PHYHIPL: variants seen among roughly 807,000 people sequenced by gnomAD.
The protein encoded by PHYHIPL is phytanoyl-CoA 2-hydroxylase interacting protein like, also known as phytanoyl-CoA hydroxylase-interacting protein-like.
PHYHIPL carries 9 observed loss-of-function variants against 33.4 expected under a neutral mutation model. The ratio of observed to expected loss-of-function variants is 0.27; its 90% CI spans 0.16 to 0.47. The LOEUF is 0.47. Ranked by LOEUF, PHYHIPL falls within the 20% of genes least tolerant of loss-of-function variation. The pLI is 0.99. For missense variants in PHYHIPL, 365 were observed against 460.7 expected, an observed-to-expected ratio of 0.79 and a Z score of 1.90; for synonymous variants, 153 against 154.1, an observed-to-expected ratio of 0.99 and a Z score of 0.05.
intron 1 of PHYHIPL, among the ~76,000 whole-genome samples, chr10:59,192,466 G>C (rs571153095): frequency 3.3e-5 from 5 of 152,040 alleles, no homozygotes; most frequent in African/African-American, 1.2e-4. Context: ...GGTGATCCAG[G>C]GTCCAGACTT....
Position 59,247,516 on chromosome 10 carries a change from C to T in PHYHIPL, c.*1925C>T. The T allele has an allele frequency of 6.7e-7, 1 of 1,483,816 alleles. No homozygotes were observed. Among genetic ancestry groups the T allele is most frequent in the Non-Finnish European group, 9.3e-7 (1 of 1,076,944 alleles). The allele number at this position is 1,483,816 out of a possible 1,614,324, so 91.9% of individuals were successfully genotyped here. A position where few individuals can be genotyped will look rare whatever the true frequency, so the allele number is the denominator to read the frequency against. ...AGCTAATACTACCACTAAAGTGCTTCCATTTTCATTGTGTCAAAACTACTT... is the reference window on the plus strand; with the variant it reads ...AGCTAATACTACCACTAAAGTGCTTTCATTTTCATTGTGTCAAAACTACTT... On this transcript the variant is annotated 3_prime_UTR_variant, in exon 5 of 5. Transcript: ENST00000373880.
intron 1 of PHYHIPL, among the ~76,000 whole-genome samples, chr10:59,180,876 G>C (rs1838397900): frequency 6.6e-6 from 1 of 152,104 alleles, no homozygotes; most frequent in Non-Finnish European, 1.5e-5. Flanking sequence ...ATCCGTAATG[G>C]CATTTTCTGA....
At chr10:59,174,465 C>T (rs1436545201), upstream of PHYHIPL, among the ~76,000 whole-genome samples, 1 of 152,092 alleles carries the variant, frequency 6.6e-6, no homozygotes, top group East Asian at 1.9e-4. Context: ...CTTGACAATG[C>T]CTCGATTTGA....
chr10:59,188,763 A>G (rs1204104841), intron 1 of PHYHIPL, among the ~76,000 whole-genome samples: 2 of 151,982 alleles, frequency 1.3e-5, no homozygotes, highest in African/African-American at 2.4e-5. Context: ...TTTAAAGTCT[A>G]TTTTATCCGA....
upstream of PHYHIPL, among the ~76,000 whole-genome samples, chr10:59,176,064 T>C (rs1838242804): frequency 6.6e-6 from 1 of 152,078 alleles, no homozygotes; most frequent in Non-Finnish European, 1.5e-5. Flanking sequence ...TCTAAACCCC[T>C]CCACGCCTCA....
At chr10:59,204,559 A>T (rs1839232710) in intron 1 of PHYHIPL, among the ~76,000 whole-genome samples, 1 of 152,174 alleles carries the variant, frequency 6.6e-6, no homozygotes, top group Non-Finnish European at 1.5e-5. Context: ...TTCCCATGTC[A>T]ACTAGGATAA....
At chr10:59,203,593 A>T (rs561095331) in intron 1 of PHYHIPL, among the ~76,000 whole-genome samples, 2 of 152,270 alleles carry the variant, frequency 1.3e-5, no homozygotes, top group South Asian at 4.2e-4. Flanking sequence ...AGCCATAAAA[A>T]ATGATGAGTT....
At chr10:59,190,877 A>G (rs1387372062) in intron 1 of PHYHIPL, among the ~76,000 whole-genome samples, 2 of 151,900 alleles carry the variant, frequency 1.3e-5, no homozygotes, top group Non-Finnish European at 3.0e-5. Context: ...TAGCTCAGAA[A>G]AAAATCCCCG....
chr10:59,213,572 A>C (rs1183152507), intron 1 of PHYHIPL, among the ~76,000 whole-genome samples: 1 of 152,204 alleles, frequency 6.6e-6, no homozygotes, highest in East Asian at 1.9e-4. Flanking sequence ...AATGGGAGTC[A>C]GTTACTAGGG....
intron 1 of PHYHIPL, chr10:59,221,689 T>G (rs970710250): frequency 1.0e-6 from 1 of 984,720 alleles, no homozygotes; most frequent in Non-Finnish European, 1.2e-6. Flanking sequence ...AGAGCTGTAT[T>G]GTGAAGGATT....
At chr10:59,203,416 G>A (rs1839185116) in intron 1 of PHYHIPL, among the ~76,000 whole-genome samples, 4 of 152,108 alleles carry the variant, frequency 2.6e-5, no homozygotes, top group African/African-American at 9.6e-5. Context: ...CCCATTACTG[G>A]GTATATACCC....
Position 59,236,669 on chromosome 10 carries a change from A to G in PHYHIPL, c.478+12A>G, listed in dbSNP as rs764026591. 6.4e-7 allele frequency: 1 copy of G among 1,572,576 alleles called. No individual in the cohort carries two copies. The highest frequency in any genetic ancestry group is 8.6e-7 in the Non-Finnish European group (1 of 1,160,088). On this transcript the variant is annotated intron_variant, in intron 3 of 4. Coordinates refer to ENST00000373880, the MANE Select transcript of PHYHIPL (RefSeq NM_032439.4). ...ATTCTGCACCGCAGGTAAGAGAACT[A>G]GGTACAAATATAGAAAAGCTTTAGT...
At chr10:59,243,180 G>GA (rs1008785989) in intron 4 of PHYHIPL, among the ~76,000 whole-genome samples, 1 of 151,354 alleles carries the variant, frequency 6.6e-6, no homozygotes, top group African/African-American at 2.4e-5. Flanking sequence ...TATGTATAAG[G>GA]AAAAATAAAA....
At chr10:59,200,098 A>G (rs1215737799) in intron 1 of PHYHIPL, among the ~76,000 whole-genome samples, 1 of 152,110 alleles carries the variant, frequency 6.6e-6, no homozygotes, top group Non-Finnish European at 1.5e-5. Context: ...ATTATGTTGA[A>G]TAGGAGTGGT....
At chr10:59,193,620 T>C (rs1241720077) in intron 1 of PHYHIPL, among the ~76,000 whole-genome samples, 2 of 152,186 alleles carry the variant, frequency 1.3e-5, no homozygotes, top group African/African-American at 4.8e-5. Context: ...CATAGTCTCT[T>C]TTTTTAAACT....
intron 1 of PHYHIPL, among the ~76,000 whole-genome samples, chr10:59,207,318 G>A (rs372200688): frequency 4.6e-5 from 7 of 152,146 alleles, no homozygotes; most frequent in Non-Finnish European, 7.4e-5. Flanking sequence ...CCTGGGAAGC[G>A]CAAGGGGTCA....
intron 1 of PHYHIPL, among the ~76,000 whole-genome samples, chr10:59,211,248 T>G (rs1019441587): frequency 2.6e-5 from 4 of 152,008 alleles, no homozygotes; most frequent in African/African-American, 9.7e-5. Context: ...CATGTTGCTG[T>G]GTACCTGTAG....
intron 1 of PHYHIPL, chr10:59,219,305 G>A (rs756143624): frequency 6.3e-6 from 5 of 791,218 alleles, no homozygotes; most frequent in Non-Finnish European, 7.7e-6. Context: ...TATTCTTTAC[G>A]TAGTTTGATA....
At chr10:59,216,114 A>G (rs1360282167) in intron 1 of PHYHIPL, among the ~76,000 whole-genome samples, 1 of 152,106 alleles carries the variant, frequency 6.6e-6, no homozygotes, top group Non-Finnish European at 1.5e-5. Flanking sequence ...AAAAAAGATC[A>G]TAGATTACTT....
Sources: allele counts gnomAD v4.1 joint callset (sites outside exome capture counted in the v4.1 genomes callset), GRCh38; gene constraint gnomAD v4.1.1; transcripts MANE v1.5; gene names NCBI Gene and HGNC (gene_info 2026-07-23, HGNC 2026-07-21).